The following TTC23L variants were observed in gnomAD, a reference collection of about 807,000 sequenced individuals.
TTC23L encodes tetratricopeptide repeat domain 23 like.
Under a neutral mutation model 48.1 loss-of-function variants are expected in TTC23L, and 42 were observed. That is an observed-to-expected ratio of 0.87 (90% CI 0.68 to 1.13). TTC23L has a LOEUF of 1.13. Ranked by LOEUF, TTC23L falls within the 50% of genes most tolerant of loss-of-function variation. The probability of loss-of-function intolerance (pLI) is 0.00; values close to 1 mark genes in which losing one functional copy is unlikely to be tolerated. For missense variants in TTC23L, 391 were observed against 421.0 expected (o/e 0.93, Z 0.62); for synonymous variants, 159 against 157.2 (o/e 1.01, Z -0.09).
At chr5:34,894,346 A>G (rs1763069069) in intron 9 of TTC23L, among the ~76,000 whole-genome samples, 1 of 152,206 alleles carries the variant, frequency 6.6e-6, no homozygotes, top group Non-Finnish European at 1.5e-5. Context: ...TGGTCATTCA[A>G]AGGCATGATG....
At chr5:34,917,136 A>C in the TTC23L span, among the ~76,000 whole-genome samples, 1 of 152,204 alleles carries the variant, frequency 6.6e-6, no homozygotes, top group East Asian at 1.9e-4. Flanking sequence ...GAACACTCCA[A>C]GGGAGAAAAA....
At chr5:34,848,290 G>A (rs924941480) in intron 3 of TTC23L, among the ~76,000 whole-genome samples, 15 of 152,214 alleles carry the variant, frequency 9.9e-5, no homozygotes, top group African/African-American at 2.6e-4. Context: ...GATACAGTTC[G>A]GTGATTTCTT....
the TTC23L span, chr5:34,908,804 G>C: frequency 6.2e-7 from 1 of 1,611,126 alleles, no homozygotes; most frequent in Non-Finnish European, 8.5e-7. Context: ...CAGGGCAGCA[G>C]TAATATTCCA....
the TTC23L span, among the ~76,000 whole-genome samples, chr5:34,911,161 G>A: frequency 1.3e-5 from 2 of 152,228 alleles, no homozygotes; most frequent in African/African-American, 4.8e-5. Context: ...AATGAGCCAC[G>A]TGTAGAAAAC....
chr5:34,850,523 T>C (rs994475905), intron 4 of TTC23L, among the ~76,000 whole-genome samples: 4 of 152,232 alleles, frequency 2.6e-5, no homozygotes, highest in Non-Finnish European at 1.5e-5. Context: ...GTATTTAGCA[T>C]GTGCCAAACT....
chr5:34,883,787 C>T (rs780755059), intron 9 of TTC23L, among the ~76,000 whole-genome samples: 2 of 151,948 alleles, frequency 1.3e-5, no homozygotes, highest in Non-Finnish European at 2.9e-5. Flanking sequence ...AAATAAAAGC[C>T]CAGGACCAGA....
intron 6 of TTC23L, among the ~76,000 whole-genome samples, chr5:34,866,409 A>G (rs1280835532): frequency 6.6e-6 from 1 of 152,186 alleles, no homozygotes; most frequent in African/African-American, 2.4e-5. Flanking sequence ...ATTGTATGAT[A>G]TGCTATAATT....
chr5:34,866,853 C>A lies in TTC23L; in HGVS notation c.663-39C>A, dbSNP rs543701891. ...CCTTTTGTGTCTGCAAAGTAAGTGG[C>A]CTCTCTGTGACTTTCTATTTTCATC... On this transcript the variant is annotated intron_variant, in intron 6 of 10. Coordinates refer to ENST00000505624, the Ensembl canonical transcript of TTC23L. 31 of 1,512,886 alleles carry A rather than the reference C, an allele frequency of 2.0e-5. No individual in the cohort carries two copies. In the African/African-American group the frequency reaches 3.7e-4, roughly 18 times the overall value. The allele number at this position is 1,512,886 out of a possible 1,614,324, so 93.7% of individuals were successfully genotyped here.
chr5:34,856,365 A>T (rs1166758141), intron 4 of TTC23L, among the ~76,000 whole-genome samples: 1 of 152,246 alleles, frequency 6.6e-6, no homozygotes, highest in African/African-American at 2.4e-5. Flanking sequence ...ATCTGCAAAT[A>T]ATCCAAAAAC....
At chr5:34,870,082 T>C (rs1324945941) in intron 8 of TTC23L, among the ~76,000 whole-genome samples, 2 of 151,670 alleles carry the variant, frequency 1.3e-5, no homozygotes, top group Admixed American at 6.6e-5. Context: ...CAAGCGTTTA[T>C]GTTTATAGAG....
At chr5:34,861,193 C>T (rs887404774) in intron 4 of TTC23L, 1 of 152,366 alleles carries the variant, frequency 6.6e-6, no homozygotes, top group Admixed American at 6.5e-5. Context: ...GTCTCAATCT[C>T]CTGACCTTGT....
the TTC23L span, chr5:34,916,191 T>A: frequency 3.7e-6 from 1 of 268,202 alleles, no homozygotes; most frequent in Non-Finnish European, 7.0e-6. Flanking sequence ...AGTTGTTTTT[T>A]TTTTTTAATG....
At chr5:34,890,629 A>T (rs903173732) in intron 9 of TTC23L, among the ~76,000 whole-genome samples, 1 of 152,084 alleles carries the variant, frequency 6.6e-6, no homozygotes, top group African/African-American at 2.4e-5. Context: ...TCCAGAACCC[A>T]TTTTACATGT....
chr5:34,918,164 G>A, the TTC23L span: 1 of 317,310 alleles, frequency 3.2e-6, no homozygotes. Flanking sequence ...AAAAAAACTA[G>A]CTGGACATGG....
chr5:34,905,171 C>T, the TTC23L span: 5 of 152,154 alleles, frequency 3.3e-5, no homozygotes, highest in African/African-American at 1.2e-4. Context: ...TAACCTGATT[C>T]TAGTATAAAA....
At chr5:34,886,436 A>G (rs1332704520) in intron 9 of TTC23L, among the ~76,000 whole-genome samples, 1 of 151,530 alleles carries the variant, frequency 6.6e-6, no homozygotes, top group Non-Finnish European at 1.5e-5. Flanking sequence ...TTAAAGTCCC[A>G]GGTATTCAGC....
chr5:34,844,593 T>C (rs2150345469), intron 2 of TTC23L, among the ~76,000 whole-genome samples: 1 of 152,306 alleles, frequency 6.6e-6, no homozygotes, highest in South Asian at 2.1e-4. Flanking sequence ...ACATTCACTA[T>C]TTAAGCAATC....
chr5:34,925,116 T>C, the TTC23L span: 3 of 1,444,452 alleles, frequency 2.1e-6, no homozygotes, highest in Non-Finnish European at 2.8e-6. Context: ...TACTCCCTTT[T>C]TTCATGACAC....
At chr5:34,911,931 T>G in the TTC23L span, 6 of 1,177,442 alleles carry the variant, frequency 5.1e-6, no homozygotes, top group Non-Finnish European at 7.3e-6. Flanking sequence ...CTCACATATA[T>G]GTATCTCCTC....
Sources: allele counts gnomAD v4.1 joint callset (sites outside exome capture counted in the v4.1 genomes callset), GRCh38; gene constraint gnomAD v4.1.1; transcripts MANE v1.5; gene names NCBI Gene and HGNC (gene_info 2026-07-23, HGNC 2026-07-21).